Variants in NCAPD3 observed in about 807,000 individuals in gnomAD.
NCAPD3 encodes condensin-2 complex subunit D3.
NCAPD3 carries 105 observed loss-of-function variants against 182.9 expected under a neutral mutation model. The ratio of observed to expected loss-of-function variants is 0.57; its 90% CI spans 0.49 to 0.68. NCAPD3 has a LOEUF of 0.68. Ranked by LOEUF, NCAPD3 falls within the 30% of genes least tolerant of loss-of-function variation. The pLI, the probability that NCAPD3 is intolerant of heterozygous loss-of-function variation, is 0.00. For synonymous variants in NCAPD3, 815 were observed against 679.9 expected, an observed-to-expected ratio of 1.20 and a Z score of -3.09; for missense variants, 1,944 against 1,837.0, an observed-to-expected ratio of 1.06 and a Z score of -1.07.
At chr11:134,164,028 TTGGTA>T (rs1310945061) in intron 27 of NCAPD3, among the ~76,000 whole-genome samples, 2 of 151,910 alleles carry the variant, frequency 1.3e-5, no homozygotes, top group East Asian at 3.9e-4. Flanking sequence ...GAGAGATAGA[TTGGTA>T]AGAGAAAACA....
Position 134,210,226 on chromosome 11 carries a change from A to C in NCAPD3, c.567+44T>G, listed in dbSNP as rs145626975. 1,158 of 1,520,918 alleles carry C rather than the reference A, an allele frequency of 7.6e-4. 6 individuals are homozygous for C. The African/African-American group carries it at 0.015, about 19-fold the overall frequency. The allele number at this position is 1,520,918 out of a possible 1,614,324, so 94.2% of individuals were successfully genotyped here. The stretch of plus-strand genomic sequence containing the variant: ...TAAAGTCAATCCTTAAATAAAGCAA[A>C]TCGTGTGTTGGTATATATGTTTTAT... On this transcript the variant is annotated intron_variant, in intron 4 of 34. Coordinates refer to ENST00000534548, the MANE Select transcript of NCAPD3 (RefSeq NM_015261.3).
intron 27 of NCAPD3, among the ~76,000 whole-genome samples, chr11:134,167,481 G>T: frequency 7.0e-6 from 1 of 142,374 alleles, no homozygotes; most frequent in Non-Finnish European, 1.5e-5. Flanking sequence ...CTTGTGAGAT[G>T]AGCTTGGGGG....
intron 19 of NCAPD3, 129 bp downstream of exon 19, chr11:134,184,508 C>T (rs1944357253): frequency 3.2e-6 from 2 of 627,672 alleles, no homozygotes; most frequent in Admixed American, 6.7e-5. Flanking sequence ...CTTGTTGCGG[C>T]AATAGCTGCG....
At chr11:134,174,614 G>C (rs377015056) in intron 24 of NCAPD3, among the ~76,000 whole-genome samples, 2 of 151,958 alleles carry the variant, frequency 1.3e-5, no homozygotes, top group African/African-American at 2.4e-5. Flanking sequence ...GGTACAGAAA[G>C]GCTGATTAGC....
At chr11:134,223,785 C>G (rs1298564102) in intron 1 of NCAPD3, 78 bp downstream of exon 1, 7 of 1,535,680 alleles carry the variant, frequency 4.6e-6, no homozygotes, top group Non-Finnish European at 5.3e-6. Context: ...ACCGGCACCC[C>G]GGCCCGGGCT....
chr11:134,198,064 T>G (rs1944674202), intron 13 of NCAPD3, among the ~76,000 whole-genome samples: 2 of 152,252 alleles, frequency 1.3e-5, no homozygotes, highest in African/African-American at 4.8e-5. Flanking sequence ...ACCATCTGAA[T>G]GGACTTCCTC....
At chr11:134,177,120 T>G in intron 23 of NCAPD3, 99 bp downstream of exon 23, 1 of 922,700 alleles carries the variant, frequency 1.1e-6, no homozygotes, top group Non-Finnish European at 1.7e-6. Context: ...ATTTTTGGAT[T>G]CTACTACAAA....
chr11:134,201,026 ATTT>A (rs566027829), intron 13 of NCAPD3, among the ~76,000 whole-genome samples: 4 of 140,152 alleles, frequency 2.9e-5, no homozygotes, highest in Admixed American at 7.1e-5. Context: ...AGAATAGGCA[ATTT>A]TTTTTTTTTT....
At chr11:134,193,957 G>T in intron 15 of NCAPD3, 59 bp downstream of exon 15, 1 of 1,519,066 alleles carries the variant, frequency 6.6e-7, no homozygotes, top group Non-Finnish European at 9.0e-7. Flanking sequence ...TAATTATTGT[G>T]TGGAATTACT....
chr11:134,162,363 G>A (rs989254267), intron 27 of NCAPD3, among the ~76,000 whole-genome samples: 3 of 152,000 alleles, frequency 2.0e-5, no homozygotes, highest in Non-Finnish European at 4.4e-5. Context: ...AGCCAGCTCT[G>A]TCTCTCTCTC....
At chr11:134,158,260 T>A in intron 30 of NCAPD3, 69 bp downstream of exon 30, 2 of 1,583,950 alleles carry the variant, frequency 1.3e-6, no homozygotes, top group Non-Finnish European at 1.7e-6. Flanking sequence ...CGCTTGGGAA[T>A]GGCAGGGACG....
At chr11:134,187,481 C>T (rs1944434414) in intron 16 of NCAPD3, among the ~76,000 whole-genome samples, 1 of 152,196 alleles carries the variant, frequency 6.6e-6, no homozygotes, top group Non-Finnish European at 1.5e-5. Context: ...CTTCTGCTCT[C>T]CACACCTCAG....
At chr11:134,156,915 G>C (rs1943436336) in intron 32 of NCAPD3, 103 bp downstream of exon 32, 4 of 1,035,950 alleles carry the variant, frequency 3.9e-6, no homozygotes, top group Non-Finnish European at 4.4e-6. Flanking sequence ...CTGACCATCA[G>C]AACTATCCTG....
intron 32 of NCAPD3, among the ~76,000 whole-genome samples, chr11:134,156,114 A>G (rs1282039208): frequency 6.6e-6 from 1 of 152,178 alleles, no homozygotes; most frequent in Non-Finnish European, 1.5e-5. Flanking sequence ...GGACTAGGAG[A>G]CAGGCTGGAG....
chr11:134,153,447 G>A, intron 32 of NCAPD3, 84 bp from the exon 33 acceptor site: 1 of 1,389,554 alleles, frequency 7.2e-7, no homozygotes, highest in Non-Finnish European at 1.0e-6. Flanking sequence ...GACGTAGGCA[G>A]GGTGTCCACA....
At position 134,194,087 on chromosome 11, in the gene NCAPD3, G is replaced by A. The variant is rs1489087829; in HGVS notation, c.1753C>T (p.Gln585Ter). 1 of 1,613,984 alleles carries A rather than the reference G, an allele frequency of 6.2e-7. No individual in the cohort carries two copies. The highest frequency in any genetic ancestry group is 8.5e-7 in the Non-Finnish European group (1 of 1,179,938). Residue 585 changes from glutamine to a stop codon, truncating the protein, a stop_gained, in exon 15 of 35, where the codon CAG becomes TAG. Transcript: ENST00000534548. LOFTEE classifies it high-confidence loss of function. ...ACTGCAGGGTCCCGACACTGGTCCT[G>A]CAGAATCCACAGGTCTTCCTTCATG... The part of the protein sequence containing the change: ...SGMKEDLWIL[Q>*]DQCRDPAVSV...
intron 8 of NCAPD3, among the ~76,000 whole-genome samples, chr11:134,206,034 A>G (rs1173294094): frequency 6.6e-6 from 1 of 152,178 alleles, no homozygotes; most frequent in Non-Finnish European, 1.5e-5. Flanking sequence ...CGCAGCAAAC[A>G]TGTCCTTGCC....
chr11:134,184,846 CA>C (rs1944369193), intron 18 of NCAPD3, 56 bp downstream of exon 18: 9 of 1,324,760 alleles, frequency 6.8e-6, no homozygotes, highest in Non-Finnish European at 9.7e-6. Context: ...CACACACACA[CA>C]CACCTGAAAT....
chr11:134,165,196 TGGG>T (rs1165041532), intron 27 of NCAPD3, among the ~76,000 whole-genome samples: 2 of 136,210 alleles, frequency 1.5e-5, no homozygotes, highest in Non-Finnish European at 1.6e-5. Flanking sequence ...GAGATGAGCT[TGGG>T]GGAGCGGCAC....
Sources: allele counts gnomAD v4.1 joint callset (sites outside exome capture counted in the v4.1 genomes callset), GRCh38; gene constraint gnomAD v4.1.1; transcripts MANE v1.5; gene names NCBI Gene and HGNC (gene_info 2026-07-23, HGNC 2026-07-21).